ABLIM1: variants seen among roughly 807,000 people sequenced by gnomAD.
The protein encoded by ABLIM1 is actin binding LIM protein 1.
A neutral mutation model predicts 107.0 loss-of-function variants in ABLIM1; 40 were observed. The ratio of observed to expected loss-of-function variants is 0.37; its 90% CI spans 0.29 to 0.49. ABLIM1 has a LOEUF of 0.49. Among genes scored for constraint, ABLIM1 ranks in the 20% least tolerant of loss-of-function variants. The pLI, the probability that ABLIM1 is intolerant of heterozygous loss-of-function variation, is 0.97. For synonymous variants in ABLIM1, 357 were observed against 357.3 expected (o/e 1.00, Z 0.01); for missense variants, 857 against 1,008.5 (o/e 0.85, Z 2.04).
At chr10:114,741,210 ATTC>A (rs1331379816) in intron 1 of ABLIM1, among the ~76,000 whole-genome samples, 1 of 93,406 alleles carries the variant, frequency 1.1e-5, no homozygotes, top group Non-Finnish European at 2.2e-5. Context: ...TGATAGGACT[ATTC>A]TTCTTTTTTT....
chr10:114,530,382 G>A (rs963079882), intron 6 of ABLIM1, among the ~76,000 whole-genome samples: 1 of 151,984 alleles, frequency 6.6e-6, no homozygotes, highest in African/African-American at 2.4e-5. Context: ...AAATGTGCTG[G>A]GTAGTATACA....
intron 1 of ABLIM1, among the ~76,000 whole-genome samples, chr10:114,731,330 C>T (rs536159056): frequency 2.6e-5 from 4 of 152,008 alleles, no homozygotes; most frequent in Admixed American, 6.6e-5. Flanking sequence ...TTAGTAGAAA[C>T]AGGGTTTCAC....
At chr10:114,748,745 C>T (rs770289753) in intron 1 of ABLIM1, among the ~76,000 whole-genome samples, 14 of 149,894 alleles carry the variant, frequency 9.3e-5, no homozygotes, top group Non-Finnish European at 1.8e-4. Context: ...CAGCCTCAAA[C>T]TCCTAGGCTC....
chr10:114,468,138 T>C, intron 11 of ABLIM1, 43 bp downstream of exon 11: 1 of 1,580,876 alleles, frequency 6.3e-7, no homozygotes, highest in Non-Finnish European at 8.7e-7. Context: ...CAAGCAATTC[T>C]CAAATTCCAC....
rs1192817478 is a variant in ABLIM1 at position 114,718,113 on chromosome 10, AAG to A, written c.-213+49946_-213+49947del. ...AGGAAGGAAAAGAAAAAGAAAAAGA[AAG>A]AAAGAAAAAGAAAGAAAAGAAAGAA... On this transcript the variant is annotated intron_variant, in intron 1 of 15. Transcript: ENST00000651092. Among the ~76,000 whole-genome samples, 97 of 75,060 alleles carry A rather than the reference AAG, an allele frequency of 1.3e-3. 5 individuals carry two copies. The highest frequency in any genetic ancestry group is 2.4e-3 in the Non-Finnish European group (69 of 28,530). 49.2% of individuals were successfully genotyped at this position (75,060 alleles called of 152,430 possible). A position where few individuals can be genotyped will look rare whatever the true frequency, so the allele number is the denominator to read the frequency against.
At chr10:114,782,228 G>A in the ABLIM1 span, among the ~76,000 whole-genome samples, 1 of 152,072 alleles carries the variant, frequency 6.6e-6, no homozygotes, top group South Asian at 2.1e-4. Context: ...CAGGCCTCAT[G>A]CTAAGAACTT....
intron 1 of ABLIM1, among the ~76,000 whole-genome samples, chr10:114,605,056 A>G (rs2076314519): frequency 6.6e-6 from 1 of 152,298 alleles, no homozygotes; most frequent in East Asian, 1.9e-4. Flanking sequence ...CCCACAGACT[A>G]GACTGTGTTT....
intron 4 of ABLIM1, among the ~76,000 whole-genome samples, chr10:114,556,900 A>G (rs2068807099): frequency 6.6e-6 from 1 of 152,242 alleles, no homozygotes; most frequent in Non-Finnish European, 1.5e-5. Context: ...AACATAAGAA[A>G]GAATAGAGTA....
chr10:114,672,865 A>C (rs2080313421), intron 1 of ABLIM1, among the ~76,000 whole-genome samples: 1 of 152,192 alleles, frequency 6.6e-6, no homozygotes, highest in Non-Finnish European at 1.5e-5. Flanking sequence ...TGAAAAATCC[A>C]TTCTTTCTGC....
rs1293595478 is a variant in ABLIM1 at position 114,700,180 on chromosome 10, AC to A, written c.-213+67880del. On this transcript the variant is annotated intron_variant, in intron 1 of 15. Coordinates refer to the ABLIM1 transcript ENST00000651092. ...TGCATAAGCAATAAGTTAATTCATT[AC>A]ATATGAAGGATGCATTCGAGCATTA... is the stretch of plus-strand genomic sequence containing the variant. 1.3e-5 allele frequency among the ~76,000 whole-genome samples: 2 copies of A among 152,226 alleles called. 1 individual carries two copies. Among genetic ancestry groups the A allele is most frequent in the Non-Finnish European group, 2.9e-5 (2 of 68,044 alleles).
At chr10:114,601,729 CA>C (rs1327504241) in intron 2 of ABLIM1, 97 bp downstream of exon 2, 75 of 1,572,768 alleles carry the variant, frequency 4.8e-5, no homozygotes, top group Non-Finnish European at 6.1e-5. Context: ...ATTCGCTTAT[CA>C]TCCAGTGACC....
chr10:114,465,855 C>T, intron 11 of ABLIM1, 28 bp from the exon 12 acceptor site: 1 of 1,612,996 alleles, frequency 6.2e-7, no homozygotes. Context: ...CACATTCAGG[C>T]TATCACCATG....
intron 6 of ABLIM1, among the ~76,000 whole-genome samples, chr10:114,517,169 T>A (rs568047598): frequency 1.3e-5 from 2 of 152,152 alleles, no homozygotes; most frequent in Non-Finnish European, 2.9e-5. Context: ...CCCAAAGATA[T>A]GTCCAACCTG....
At chr10:114,609,939 C>T (rs1268832754) in intron 1 of ABLIM1, among the ~76,000 whole-genome samples, 1 of 152,128 alleles carries the variant, frequency 6.6e-6, no homozygotes, top group East Asian at 1.9e-4. Context: ...AAAACCTTGT[C>T]CAAAAAGGTA....
intron 1 of ABLIM1, among the ~76,000 whole-genome samples, chr10:114,758,389 C>G (rs1412943212): frequency 6.6e-6 from 1 of 152,160 alleles, no homozygotes; most frequent in East Asian, 1.9e-4. Flanking sequence ...CTCACCCATC[C>G]CTGATGCCCA....
chr10:114,524,873 A>G (rs555268038), intron 6 of ABLIM1, among the ~76,000 whole-genome samples: 17 of 152,328 alleles, frequency 1.1e-4, no homozygotes, highest in African/African-American at 3.8e-4. Flanking sequence ...TTCAGACAAA[A>G]CCCAAACAAA....
At chr10:114,604,172 G>A (rs1005672605) in intron 1 of ABLIM1, among the ~76,000 whole-genome samples, 1 of 152,136 alleles carries the variant, frequency 6.6e-6, no homozygotes, top group Non-Finnish European at 1.5e-5. Context: ...CCATTTGACA[G>A]TTGACAGATA....
At chr10:114,516,161 G>T (rs189914486) in intron 6 of ABLIM1, among the ~76,000 whole-genome samples, 22 of 152,010 alleles carry the variant, frequency 1.4e-4, no homozygotes, top group Non-Finnish European at 2.8e-4. Context: ...AAGGGAGTGA[G>T]GTGAGCAGGT....
intron 6 of ABLIM1, among the ~76,000 whole-genome samples, chr10:114,544,613 C>G (rs1273004992): frequency 6.6e-6 from 1 of 152,180 alleles, no homozygotes; most frequent in African/African-American, 2.4e-5. Flanking sequence ...CCTCTGCTCC[C>G]TGAATCTGCA....
Sources: gnomAD v4.1 joint callset for allele counts (sites outside exome capture counted in the v4.1 genomes callset) on GRCh38, gnomAD v4.1.1 for gene constraint, MANE v1.5 for transcripts, NCBI Gene and HGNC (gene_info 2026-07-23, HGNC 2026-07-21) for gene names.